TAF4B: variants seen among roughly 807,000 people sequenced by gnomAD.
TAF4B encodes transcription initiation factor TFIID subunit 4B.
Under a neutral mutation model 86.4 loss-of-function variants are expected in TAF4B, and 38 were observed. The ratio of observed to expected loss-of-function variants is 0.44; its 90% CI spans 0.34 to 0.58. TAF4B has a LOEUF of 0.58. TAF4B is among the 20% of genes least tolerant of loss of function. The pLI, the probability that TAF4B is intolerant of heterozygous loss-of-function variation, is 0.02. For synonymous variants in TAF4B, 388 were observed against 391.2 expected, an observed-to-expected ratio of 0.99 and a Z score of 0.10; for missense variants, 988 against 1,027.6, an observed-to-expected ratio of 0.96 and a Z score of 0.53.
intron 12 of TAF4B, among the ~76,000 whole-genome samples, chr18:26,331,198 G>A (rs577910756): frequency 1.3e-5 from 2 of 151,698 alleles, no homozygotes; most frequent in South Asian, 4.2e-4. Flanking sequence ...TAAGCACTTA[G>A]TCATTGTAAT....
At chr18:26,323,758 T>A (rs988227233) in intron 11 of TAF4B, among the ~76,000 whole-genome samples, 1 of 152,170 alleles carries the variant, frequency 6.6e-6, no homozygotes, top group African/African-American at 2.4e-5. Context: ...TTACTTTCTT[T>A]TGTTTGTTAC....
chr18:26,323,742 C>G (rs568723755), intron 11 of TAF4B, among the ~76,000 whole-genome samples: 4 of 152,234 alleles, frequency 2.6e-5, no homozygotes, highest in African/African-American at 9.6e-5. Context: ...TCTATACTGT[C>G]TGATATTACT....
Position 26,300,818 on chromosome 18 carries a change from A to G in TAF4B, c.1832+7287A>G, listed in dbSNP as rs1243137749. Among the ~76,000 whole-genome samples the G allele has an allele frequency of 6.6e-5, 10 of 151,700 alleles. No individual in the cohort carries two copies. In the East Asian group the frequency reaches 1.7e-3, roughly 26 times the overall value. ...TGGTTTTATTTTTCAGACTGTTTCC[A>G]TCACTTACGTAGAGTGGGTATTAAA... On this transcript the variant is annotated intron_variant, in intron 9 of 14. Coordinates refer to ENST00000269142, the MANE Select transcript of TAF4B (RefSeq NM_005640.3).
intron 14 of TAF4B, among the ~76,000 whole-genome samples, chr18:26,385,331 A>C (rs549997904): frequency 6.6e-6 from 1 of 152,330 alleles, no homozygotes; most frequent in African/African-American, 2.4e-5. Context: ...TTGTTAGAGC[A>C]ATAGAGTTCC....
intron 1 of TAF4B, among the ~76,000 whole-genome samples, chr18:26,233,956 C>T (rs940214204): frequency 6.6e-6 from 1 of 152,130 alleles, no homozygotes; most frequent in African/African-American, 2.4e-5. Flanking sequence ...GGAGATTTGG[C>T]CCTGTAAATA....
chr18:26,346,773 A>ATATATATATATATGTGTG (rs1404902479), intron 13 of TAF4B, among the ~76,000 whole-genome samples: 1 of 24,108 alleles, frequency 4.1e-5, no homozygotes, highest in Non-Finnish European at 9.9e-5. Flanking sequence ...ATATATATAT[A>ATATATATATATATGTGTG]TGTGTGTGTA....
At chr18:26,312,392 C>T (rs1178344006) in intron 9 of TAF4B, among the ~76,000 whole-genome samples, 1 of 152,096 alleles carries the variant, frequency 6.6e-6, no homozygotes. Context: ...CAGTAGGGGT[C>T]CTCCTCTACG....
In TAF4B at chr18:26,286,278, G is replaced by A; in HGVS notation, c.1369G>A (p.Val457Ile). The A allele has an allele frequency of 6.2e-7, 1 of 1,614,250 alleles. No homozygotes were observed. Among genetic ancestry groups the A allele is most frequent in the South Asian group, 1.1e-5 (1 of 91,088 alleles). ...CTCACTGCAACCTGAAAAGCCAGTT[G>A]TCTCTGGAACAGCAGTAACACTGTC... Reference protein sequence around the residue: ...TVSLQPEKPVVSGTAVTLSLP... With the variant: ...TVSLQPEKPVISGTAVTLSLP... Residue 457 changes from valine to isoleucine, a missense_variant, in exon 7 of 15, where the codon GTC becomes ATC. Physicochemically the swap from Val to Ile is conservative, Grantham distance 29. Coordinates refer to ENST00000269142, the MANE Select transcript of TAF4B (RefSeq NM_005640.3).
At chr18:26,230,594 A>G (rs1012923329) in intron 1 of TAF4B, among the ~76,000 whole-genome samples, 1 of 152,184 alleles carries the variant, frequency 6.6e-6, no homozygotes, top group Non-Finnish European at 1.5e-5. Context: ...AGCCCACAGG[A>G]GAAAGTGCTG....
intron 10 of TAF4B, among the ~76,000 whole-genome samples, chr18:26,318,679 G>T (rs1335330572): frequency 1.3e-5 from 2 of 151,900 alleles, no homozygotes; most frequent in South Asian, 2.1e-4. Flanking sequence ...TGTTAAAAAG[G>T]GTGTTTTGTT....
intron 14 of TAF4B, 60 bp from the exon 15 acceptor site, chr18:26,389,785 C>T: frequency 1.3e-6 from 2 of 1,552,308 alleles, no homozygotes; most frequent in South Asian, 1.2e-5. Flanking sequence ...CTAGAATTGA[C>T]AGGCTTTCCC....
chr18:26,272,276 G>C (rs1481843756), intron 3 of TAF4B, among the ~76,000 whole-genome samples: 4 of 152,176 alleles, frequency 2.6e-5, no homozygotes, highest in Non-Finnish European at 1.5e-5. Context: ...TTCACGAGAA[G>C]GTTCATGCTG....
intron 13 of TAF4B, among the ~76,000 whole-genome samples, chr18:26,350,968 T>A (rs2057240196): frequency 6.6e-6 from 1 of 152,132 alleles, no homozygotes; most frequent in Non-Finnish European, 1.5e-5. Context: ...GGCATGGAGA[T>A]TCCTCTTAAA....
At chr18:26,239,702 A>T (rs994875734) in intron 1 of TAF4B, among the ~76,000 whole-genome samples, 3 of 152,196 alleles carry the variant, frequency 2.0e-5, no homozygotes, top group African/African-American at 7.2e-5. Context: ...GTTTTCTTCT[A>T]GAGTTTTCAT....
At chr18:26,306,938 C>T (rs1016634371) in intron 9 of TAF4B, among the ~76,000 whole-genome samples, 7 of 152,080 alleles carry the variant, frequency 4.6e-5, no homozygotes, top group East Asian at 1.9e-4. Context: ...CCACCACACC[C>T]GGCTAATTTT....
Position 26,282,004 on chromosome 18 carries a change from A to G in TAF4B, c.916A>G (p.Lys306Glu). 6.2e-7 allele frequency: 1 copy of G among 1,613,496 alleles called. No homozygotes were observed. Among genetic ancestry groups the G allele is most frequent in the Non-Finnish European group, 8.5e-7 (1 of 1,179,754 alleles). ...AKIEAEEFTR[K>E]LYVELKSSPQ... ...AATCGAAGCAGAAGAATTTACTAGG[A>G]AACTGTATGTTGAACTCAAGTCTTC... The change falls in exon 6 of 15, where the codon AAA becomes GAA. Residue 306 changes from lysine (K) to glutamate (E), a missense_variant. Physicochemically the swap from Lys to Glu is moderately conservative, Grantham distance 56. Transcript: ENST00000269142.
At chr18:26,319,659 A>C (rs1217993000) in intron 10 of TAF4B, among the ~76,000 whole-genome samples, 1 of 151,978 alleles carries the variant, frequency 6.6e-6, no homozygotes, top group East Asian at 1.9e-4. Context: ...GTGCGATCTC[A>C]GCGCACTGCA....
intron 6 of TAF4B, among the ~76,000 whole-genome samples, chr18:26,285,178 G>A (rs1335371408): frequency 4.3e-5 from 5 of 116,040 alleles, no homozygotes; most frequent in Non-Finnish European, 9.3e-5. Flanking sequence ...TTACCATGTT[G>A]CCTAGGCTTT....
chr18:26,248,912 G>A (rs1345303325), intron 1 of TAF4B, among the ~76,000 whole-genome samples: 5 of 150,170 alleles, frequency 3.3e-5, no homozygotes, highest in South Asian at 2.1e-4. Flanking sequence ...AGTGGCTCAC[G>A]CCTGTAATCC....
Sources: gnomAD v4.1 joint callset for allele counts (sites outside exome capture counted in the v4.1 genomes callset) on GRCh38, gnomAD v4.1.1 for gene constraint, MANE v1.5 for transcripts, NCBI Gene and HGNC (gene_info 2026-07-23, HGNC 2026-07-21) for gene names.